The following MYLK4 variants were observed in gnomAD, a reference collection of about 807,000 sequenced individuals.
MYLK4 encodes the protein caMLCK like.
MYLK4 carries 46 observed loss-of-function variants against 48.1 expected under a neutral mutation model. That is an observed-to-expected ratio of 0.96 (90% confidence interval 0.75 to 1.22). MYLK4 has a LOEUF of 1.22. Among genes scored for constraint, MYLK4 ranks in the 50% most tolerant of loss-of-function variants. MYLK4 has a pLI of 0.00. For missense variants in MYLK4, 451 were observed against 486.1 expected (o/e 0.93, Z 0.68); for synonymous variants, 170 against 180.8 (o/e 0.94, Z 0.48).
In MYLK4 at chr6:2,749,386, T is replaced by C; in HGVS notation, c.-92A>G. 2 of 948,102 alleles carry C rather than the reference T, an allele frequency of 2.1e-6. No individual in the cohort carries two copies. The highest frequency in any genetic ancestry group is 1.9e-5 in the South Asian group (1 of 52,040). The allele number at this position is 948,102 out of a possible 1,614,324, so 58.7% of individuals were successfully genotyped here. ...ATAAATCAGGACACAATTATGACTC[T>C]TCAGTGCTTCTTTCTCTTGACTGCA... is the stretch of plus-strand genomic sequence containing the variant. On this transcript the variant is annotated 5_prime_UTR_variant, in exon 2 of 13. Transcript: ENST00000274643.
At chr6:2,733,755 A>G (rs1763558934) in intron 2 of MYLK4, among the ~76,000 whole-genome samples, 1 of 152,160 alleles carries the variant, frequency 6.6e-6, no homozygotes, top group African/African-American at 2.4e-5. Context: ...ATAGCAATCA[A>G]GTGGATTCCC....
chr6:2,748,146 G>C (rs1191719313), intron 2 of MYLK4, among the ~76,000 whole-genome samples: 2 of 152,188 alleles, frequency 1.3e-5, no homozygotes, highest in African/African-American at 4.8e-5. Flanking sequence ...TTCCAAACCT[G>C]CCTGATAAGA....
intron 2 of MYLK4, among the ~76,000 whole-genome samples, chr6:2,709,503 AG>A (rs1406753893): frequency 6.6e-6 from 1 of 152,232 alleles, no homozygotes; most frequent in African/African-American, 2.4e-5. Context: ...CTTAGAATTC[AG>A]GGCCACAGCA....
rs5873836 is a variant in MYLK4, at chr6:2,692,642, A to AGG, written c.235+140_235+141dup. 34 of 211,504 alleles carry AGG rather than the reference A, an allele frequency of 1.6e-4. 1 individual carries two copies. The highest frequency in any genetic ancestry group is 6.2e-4 in the African/African-American group (18 of 28,866). 13.1% of individuals were successfully genotyped at this position (211,504 alleles called of 1,614,324 possible). On this transcript the variant is annotated intron_variant, in intron 3 of 12. Transcript: ENST00000274643. Reference sequence around the variant, plus strand: ...CCCAAACACAAGCAAAAAAAAAAAAAGGGGGGGGGGGGCATTTTTTTATAA... The same window carrying AGG: ...CCCAAACACAAGCAAAAAAAAAAAAAGGGGGGGGGGGGGGCATTTTTTTATAA...
At chr6:2,766,478 T>C in the MYLK4 span, 1 of 1,467,572 alleles carries the variant, frequency 6.8e-7, no homozygotes, top group Admixed American at 2.2e-5. Context: ...GCTTCCGTAG[T>C]TATCTCGGCG....
At chr6:2,736,527 G>C (rs1406885623) in intron 2 of MYLK4, among the ~76,000 whole-genome samples, 2 of 152,236 alleles carry the variant, frequency 1.3e-5, no homozygotes, top group Non-Finnish European at 1.5e-5. Context: ...AGAGAATATT[G>C]ATCATGCAAA....
At chr6:2,733,986 G>C (rs890658581) in intron 2 of MYLK4, among the ~76,000 whole-genome samples, 1 of 151,964 alleles carries the variant, frequency 6.6e-6, no homozygotes, top group African/African-American at 2.4e-5. Flanking sequence ...TCAAAGTCAA[G>C]GTCACTTATC....
intron 12 of MYLK4, among the ~76,000 whole-genome samples, chr6:2,668,784 G>A (rs1053445037): frequency 2.6e-5 from 4 of 152,044 alleles, no homozygotes; most frequent in African/African-American, 9.7e-5. Context: ...TAAGTAAGAA[G>A]GTAGGCAGGG....
intron 2 of MYLK4, among the ~76,000 whole-genome samples, chr6:2,740,584 C>T (rs1418045070): frequency 2.0e-5 from 3 of 152,124 alleles, no homozygotes; most frequent in Non-Finnish European, 4.4e-5. Flanking sequence ...GGCTTCTTTC[C>T]TTCCCTGTTT....
chr6:2,728,750 A>G (rs1202204034), intron 2 of MYLK4, among the ~76,000 whole-genome samples: 1 of 152,176 alleles, frequency 6.6e-6, no homozygotes, highest in African/African-American at 2.4e-5. Flanking sequence ...AAGCACATTT[A>G]CATCTGCTTT....
intron 2 of MYLK4, among the ~76,000 whole-genome samples, chr6:2,695,331 T>C (rs946171294): frequency 2.6e-5 from 4 of 152,228 alleles, no homozygotes; most frequent in Admixed American, 2.6e-4. Flanking sequence ...TCAGTCAATT[T>C]CTACTCATAA....
At chr6:2,761,007 T>G in the MYLK4 span, among the ~76,000 whole-genome samples, 1 of 152,146 alleles carries the variant, frequency 6.6e-6, no homozygotes, top group African/African-American at 2.4e-5. Context: ...CATGTGGGAT[T>G]AACTGGACTC....
intron 2 of MYLK4, among the ~76,000 whole-genome samples, chr6:2,696,965 A>G (rs915133661): frequency 2.0e-5 from 3 of 152,184 alleles, no homozygotes; most frequent in African/African-American, 7.2e-5. Context: ...AGGCTGAGGC[A>G]AGAGAATTGC....
chr6:2,748,800 C>G (rs1046083508), intron 2 of MYLK4, among the ~76,000 whole-genome samples: 1 of 152,222 alleles, frequency 6.6e-6, no homozygotes, highest in African/African-American at 2.4e-5. Context: ...AAACTTCTTT[C>G]TGCAGAACAG....
At chr6:2,762,867 G>A in the MYLK4 span, among the ~76,000 whole-genome samples, 16,636 of 152,186 alleles carry the variant, frequency 0.11, 962 homozygotes, top group South Asian at 0.18. Context: ...TGGGTTCAGT[G>A]GGTTTGTGGT....
Position 2,716,109 on chromosome 6 carries a change from G to A in MYLK4, c.160-23250C>T, listed in dbSNP as rs373980039. 7.9e-5 allele frequency among the ~76,000 whole-genome samples: 12 copies of A among 152,268 alleles called. 1 individual carries two copies. Among genetic ancestry groups the A allele is most frequent in the African/African-American group, 2.9e-4 (12 of 41,540 alleles). ...GAATCCTTTAATGAGTCTGAACATT[G>A]TGGACAAGCACATTGGTTAAGACAG... On this transcript the variant is annotated intron_variant, in intron 2 of 12. Coordinates refer to ENST00000274643, the MANE Select transcript of MYLK4 (RefSeq NM_001012418.5).
chr6:2,713,222 T>C (rs1378796324), intron 2 of MYLK4, among the ~76,000 whole-genome samples: 1 of 151,328 alleles, frequency 6.6e-6, no homozygotes, highest in Non-Finnish European at 1.5e-5. Context: ...AACACAAAAT[T>C]AGCCAGGCAT....
At position 2,699,287 on chromosome 6, in the gene MYLK4, C is replaced by CTTTTTTTTTTT. The variant is rs56959282; in HGVS notation, c.160-6439_160-6429dup. 9.4e-3 allele frequency among the ~76,000 whole-genome samples: 735 copies of CTTTTTTTTTTT among 77,884 alleles called. 33 individuals are homozygous for CTTTTTTTTTTT. The highest frequency in any genetic ancestry group is 0.012 in the Non-Finnish European group (543 of 45,614). 51.1% of individuals were successfully genotyped at this position (77,884 alleles called of 152,430 possible). On this transcript the variant is annotated intron_variant, in intron 2 of 12. Transcript: ENST00000274643. ...CATGCTACCACTTTTCTTTTCTTTT[C>CTTTTTTTTTTT]TTTTTTTTTTTTTTTTTTTTTTGAT... is the stretch of plus-strand genomic sequence containing the variant.
chr6:2,719,509 GT>G (rs1282923473), intron 2 of MYLK4, among the ~76,000 whole-genome samples: 1 of 152,198 alleles, frequency 6.6e-6, no homozygotes, highest in African/African-American at 2.4e-5. Context: ...AGAAGGGTCT[GT>G]GCCAAATAAT....
Sources: allele counts gnomAD v4.1 joint callset (sites outside exome capture counted in the v4.1 genomes callset), GRCh38; gene constraint gnomAD v4.1.1; transcripts MANE v1.5; gene names NCBI Gene and HGNC (gene_info 2026-07-23, HGNC 2026-07-21).